The following NSRP1 variants were observed in gnomAD, a reference collection of about 807,000 sequenced individuals.
NSRP1 encodes nuclear speckle splicing regulatory protein 1.
Under a neutral mutation model 54.7 loss-of-function variants are expected in NSRP1, and 24 were observed. The ratio of observed to expected loss-of-function variants is 0.44; its 90% confidence interval spans 0.32 to 0.62. The LOEUF (loss-of-function observed/expected upper bound fraction) is 0.62. Among genes scored for constraint, NSRP1 ranks in the 20% least tolerant of loss-of-function variants. The pLI, the probability that NSRP1 is intolerant of heterozygous loss-of-function variation, is 0.06. For missense variants in NSRP1, 596 were observed against 651.2 expected, an observed-to-expected ratio of 0.92 and a Z score of 0.92; for synonymous variants, 210 against 213.8, an observed-to-expected ratio of 0.98 and a Z score of 0.15.
chr17:30,117,402 T>C (rs2151869067), intron 1 of NSRP1: 1 of 462,720 alleles, frequency 2.2e-6, no homozygotes, highest in Non-Finnish European at 3.8e-6. Context: ...TTGAAAGTTT[T>C]ACCTTTGATG....
rs1026056924 is a variant in NSRP1, at chr17:30,183,154, T to C, written c.618-1461T>C. ...ATTTTTGAATAAAGTTATAAGGTAT[T>C]ATAGGAATGGTGAGATGATTATGCC... On this transcript the variant is annotated intron_variant, in intron 6 of 6. Coordinates refer to ENST00000247026, the MANE Select transcript of NSRP1 (RefSeq NM_032141.4). 2.6e-5 allele frequency among the ~76,000 whole-genome samples: 4 copies of C among 151,394 alleles called. No homozygotes were observed. The East Asian group carries it at 7.8e-4, about 29-fold the overall frequency.
At chr17:30,180,200 A>G (rs1905249678) in intron 5 of NSRP1, among the ~76,000 whole-genome samples, 1 of 152,190 alleles carries the variant, frequency 6.6e-6, no homozygotes, top group Non-Finnish European at 1.5e-5. Flanking sequence ...TGTGTCGCCC[A>G]GGCTGGAGTG....
At chr17:30,145,821 GTTTTAT>G (rs911769143) in intron 2 of NSRP1, among the ~76,000 whole-genome samples, 4 of 151,822 alleles carry the variant, frequency 2.6e-5, no homozygotes, top group African/African-American at 9.7e-5. Flanking sequence ...AAGCTTTCCT[GTTTTAT>G]TTTTATATGT....
chr17:30,147,838 T>G (rs1330790854), intron 2 of NSRP1, among the ~76,000 whole-genome samples: 2 of 149,578 alleles, frequency 1.3e-5, no homozygotes, highest in African/African-American at 2.5e-5. Context: ...TGAGACGGAG[T>G]TTCGCTCTTG....
At chr17:30,157,723 C>G (rs538001883) in intron 2 of NSRP1, among the ~76,000 whole-genome samples, 3 of 152,058 alleles carry the variant, frequency 2.0e-5, no homozygotes, top group South Asian at 4.1e-4. Context: ...TCCATGAGAT[C>G]AAGTTTTTTA....
At chr17:30,124,992 A>C (rs1233232548) in intron 2 of NSRP1, among the ~76,000 whole-genome samples, 17 of 152,184 alleles carry the variant, frequency 1.1e-4, no homozygotes, top group Admixed American at 1.1e-3. Context: ...TGAGGTCAGT[A>C]GTTCAAGACC....
At chr17:30,176,740 G>A (rs776502962) in intron 3 of NSRP1, among the ~76,000 whole-genome samples, 1 of 151,994 alleles carries the variant, frequency 6.6e-6, no homozygotes, top group African/African-American at 2.4e-5. Flanking sequence ...GAGTGAGCAG[G>A]AGTGCCAATT....
At chr17:30,157,702 TATAC>T (rs1203070761) in intron 2 of NSRP1, among the ~76,000 whole-genome samples, 6 of 152,176 alleles carry the variant, frequency 3.9e-5, no homozygotes, top group Admixed American at 2.0e-4. Flanking sequence ...TCTATTGTTC[TATAC>T]TCTATGTCCA....
At chr17:30,143,508 GA>G (rs1005787591) in intron 2 of NSRP1, among the ~76,000 whole-genome samples, 2 of 150,308 alleles carry the variant, frequency 1.3e-5, no homozygotes, top group South Asian at 2.1e-4. Context: ...CTTGTCTCTT[GA>G]AAAAAAAATA....
chr17:30,131,276 T>C (rs985475760), intron 2 of NSRP1, among the ~76,000 whole-genome samples: 2 of 151,848 alleles, frequency 1.3e-5, no homozygotes, highest in African/African-American at 4.9e-5. Context: ...CTCTGTCTTT[T>C]ATTGTCCTCT....
rs1464043872 is a variant in NSRP1, at chr17:30,129,071, T to A, written c.114+10898T>A. On this transcript the variant is annotated intron_variant, in intron 2 of 6. Coordinates refer to ENST00000247026, the MANE Select transcript of NSRP1 (RefSeq NM_032141.4). ...CCACGCCTGGCATGATTTTTTTTTT[T>A]ATACTTTTCTGTATTTTCAACTATT... Among the ~76,000 whole-genome samples the A allele has an allele frequency of 8.6e-5, 13 of 151,946 alleles. No homozygotes were observed. The East Asian group carries it at 1.3e-3, about 16-fold the overall frequency.
chr17:30,125,232 T>C (rs2071639468), intron 2 of NSRP1, among the ~76,000 whole-genome samples: 1 of 152,328 alleles, frequency 6.6e-6, no homozygotes, highest in South Asian at 2.1e-4. Context: ...GTGATTTGAC[T>C]ATATATTAAA....
In NSRP1 at chr17:30,179,280, G is replaced by T; in HGVS notation, c.491G>T (p.Arg164Met). ...ERAEEEEREK[R>M]AAALEACLDV... ...GCTGAAGAAGAAGAAAGAGAAAAGA[G>T]GGCTGCTGCACTGGAAGGTAAAATG... The change falls in exon 5 of 7, where the codon AGG becomes ATG. Residue 164 changes from arginine to methionine, a missense_variant. Arg to Met is a moderately conservative substitution (Grantham distance 91). Transcript: ENST00000247026. 1 of 1,581,404 alleles carries T rather than the reference G, an allele frequency of 6.3e-7. No homozygotes were observed. Among genetic ancestry groups the T allele is most frequent in the South Asian group, 1.2e-5 (1 of 84,956 alleles).
In NSRP1 at chr17:30,175,618, G is replaced by A. The variant is rs1438317054; in HGVS notation, c.172-2453G>A. ...TGGCTAATTTTTATATTTTTAGATG[G>A]CCAGGCGCTCTCTTCACCTCAGGAG... On this transcript the variant is annotated intron_variant, in intron 3 of 6. Coordinates refer to ENST00000247026, the MANE Select transcript of NSRP1 (RefSeq NM_032141.4). Among the ~76,000 whole-genome samples, 5 of 151,734 alleles carry A rather than the reference G, an allele frequency of 3.3e-5. No homozygotes were observed. In the East Asian group the frequency reaches 9.7e-4, roughly 29 times the overall value.
intron 2 of NSRP1, among the ~76,000 whole-genome samples, chr17:30,140,252 A>G (rs930800924): frequency 6.6e-6 from 1 of 152,224 alleles, no homozygotes; most frequent in Admixed American, 6.5e-5. Context: ...TGTCGTTAGC[A>G]TGAAATGGGT....
chr17:30,117,953 C>A, intron 1 of NSRP1, 127 bp from the exon 2 acceptor site: 2 of 692,004 alleles, frequency 2.9e-6, no homozygotes, highest in South Asian at 2.0e-5. Context: ...CAAAAACAGT[C>A]TGTTACGTGT....
intron 3 of NSRP1, 187 bp from the exon 4 acceptor site, chr17:30,177,884 T>C: frequency 1.5e-6 from 1 of 672,776 alleles, no homozygotes; most frequent in Admixed American, 2.6e-5. Flanking sequence ...GAGTAATTAG[T>C]AAGTGTAGAG....
At chr17:30,130,875 T>A (rs2071693371) in intron 2 of NSRP1, among the ~76,000 whole-genome samples, 1 of 152,248 alleles carries the variant, frequency 6.6e-6, no homozygotes, top group Non-Finnish European at 1.5e-5. Context: ...CATCTTTGTC[T>A]TTCATATCAT....
chr17:30,171,703 T>C (rs1379632595), intron 2 of NSRP1, among the ~76,000 whole-genome samples: 1 of 152,158 alleles, frequency 6.6e-6, no homozygotes, highest in African/African-American at 2.4e-5. Flanking sequence ...CTGAGACTGT[T>C]CTTGCTTTTT....
Sources: gnomAD v4.1 joint callset for allele counts (sites outside exome capture counted in the v4.1 genomes callset) on GRCh38, gnomAD v4.1.1 for gene constraint, MANE v1.5 for transcripts, NCBI Gene and HGNC (gene_info 2026-07-23, HGNC 2026-07-21) for gene names.